The following LOC400499 variants were observed in gnomAD, a reference collection of about 807,000 sequenced individuals.
At chr16:11,376,107 T>C in the LOC400499 span, among the ~76,000 whole-genome samples, 1 of 152,222 alleles carries the variant, frequency 6.6e-6, no homozygotes, top group African/African-American at 2.4e-5. Context: ...GTATTCTAGA[T>C]GGGAACTCCT....
At chr16:11,484,199 G>C in the LOC400499 span, among the ~76,000 whole-genome samples, 3 of 151,882 alleles carry the variant, frequency 2.0e-5, no homozygotes, top group Non-Finnish European at 4.4e-5. Context: ...AGTAGAGACA[G>C]GGTTTCACCA....
At chr16:11,419,362 T>C in the LOC400499 span, among the ~76,000 whole-genome samples, 4 of 151,948 alleles carry the variant, frequency 2.6e-5, no homozygotes, top group African/African-American at 9.7e-5. Context: ...GGATTCCCTA[T>C]TTAATAAATG....
the LOC400499 span, among the ~76,000 whole-genome samples, chr16:11,390,721 T>C: frequency 1.2e-4 from 19 of 152,312 alleles, no homozygotes; most frequent in African/African-American, 4.3e-4. Flanking sequence ...AGTCCTAGAA[T>C]TGATATGAGG....
chr16:11,446,765 G>C, the LOC400499 span: 1 of 1,535,940 alleles, frequency 6.5e-7, no homozygotes, highest in Non-Finnish European at 8.7e-7. Flanking sequence ...TGTCCGGCCT[G>C]GCAGCCCAGG....
At chr16:11,515,519 A>G in the LOC400499 span, among the ~76,000 whole-genome samples, 1 of 151,544 alleles carries the variant, frequency 6.6e-6, no homozygotes, top group African/African-American at 2.4e-5. Flanking sequence ...ACATACATAC[A>G]TACGTACATA....
the LOC400499 span, chr16:11,398,392 A>G: frequency 8.1e-7 from 1 of 1,232,280 alleles, no homozygotes; most frequent in African/African-American, 1.5e-5. Context: ...TGCCGCAGCC[A>G]GCGTGCATAG....
chr16:11,440,720 T>G, the LOC400499 span: 2 of 399,096 alleles, frequency 5.0e-6, no homozygotes, highest in Non-Finnish European at 8.8e-6. Flanking sequence ...CTCAGTCTCC[T>G]GACCTGGGAT....
chr16:11,424,999 C>A, the LOC400499 span: 5 of 397,616 alleles, frequency 1.3e-5, no homozygotes, highest in African/African-American at 1.0e-4. Flanking sequence ...CCGGGGAAGC[C>A]AGCAGGGGAA....
chr16:11,393,044 T>TG, the LOC400499 span, among the ~76,000 whole-genome samples: 13 of 151,982 alleles, frequency 8.6e-5, no homozygotes, highest in Non-Finnish European at 1.0e-4. Context: ...TTAGTAGAGA[T>TG]GGGGTTTCAC....
the LOC400499 span, chr16:11,411,427 G>C: frequency 2.5e-6 from 1 of 398,282 alleles, no homozygotes. Context: ...CCGAGAGAGA[G>C]TCAGAGAGCC....
At chr16:11,382,759 G>A in the LOC400499 span, among the ~76,000 whole-genome samples, 11 of 152,216 alleles carry the variant, frequency 7.2e-5, no homozygotes, top group Non-Finnish European at 1.2e-4. Flanking sequence ...GCAGTGAGCC[G>A]AGATTGTGCC....
chr16:11,374,084 C>T, the LOC400499 span, among the ~76,000 whole-genome samples: 1 of 152,168 alleles, frequency 6.6e-6, no homozygotes, highest in Non-Finnish European at 1.5e-5. Context: ...TACTAAACTA[C>T]AAATTTAGTA....
the LOC400499 span, chr16:11,390,506 G>C: frequency 4.5e-5 from 55 of 1,231,134 alleles, no homozygotes; most frequent in East Asian, 6.3e-4. Context: ...CTCAGGGCAG[G>C]TCAGAGAACC....
At chr16:11,518,882 C>T in the LOC400499 span, 4 of 399,034 alleles carry the variant, frequency 1.0e-5, no homozygotes, top group Non-Finnish European at 1.8e-5. Flanking sequence ...GTCCCAGCCC[C>T]ATGGCCAAGT....
At chr16:11,435,003 C>A in the LOC400499 span, among the ~76,000 whole-genome samples, 2 of 152,216 alleles carry the variant, frequency 1.3e-5, no homozygotes, top group Non-Finnish European at 2.9e-5. Context: ...TAGAGTCAGG[C>A]TCATTTCACT....
At chr16:11,383,071 C>G in the LOC400499 span, among the ~76,000 whole-genome samples, 1 of 145,126 alleles carries the variant, frequency 6.9e-6, no homozygotes, top group Admixed American at 6.9e-5. Flanking sequence ...GTGCCAGGGT[C>G]TTTTTTTTTT....
At chr16:11,524,953 G>T in the LOC400499 span, among the ~76,000 whole-genome samples, 1 of 152,158 alleles carries the variant, frequency 6.6e-6, no homozygotes, top group Non-Finnish European at 1.5e-5. Flanking sequence ...CACCTCGACT[G>T]GTCATTGCTA....
chr16:11,391,235 A>G, the LOC400499 span, among the ~76,000 whole-genome samples: 1 of 152,178 alleles, frequency 6.6e-6, no homozygotes, highest in Non-Finnish European at 1.5e-5. Flanking sequence ...GATGGCGGAG[A>G]GGCCAGAGGT....
At chr16:11,496,202 G>C in the LOC400499 span, among the ~76,000 whole-genome samples, 3 of 152,076 alleles carry the variant, frequency 2.0e-5, no homozygotes, top group South Asian at 6.2e-4. Context: ...GAGTAGCTGG[G>C]ATTACAGATG....
Sources: gnomAD v4.1 joint callset for allele counts (sites outside exome capture counted in the v4.1 genomes callset) on GRCh38, gnomAD v4.1.1 for gene constraint, MANE v1.5 for transcripts.